Variants in STON1 observed in about 807,000 individuals in gnomAD.
The protein encoded by STON1 is stonin 1.
Under a neutral mutation model 60.9 loss-of-function variants are expected in STON1, and 79 were observed. The ratio of observed to expected loss-of-function variants is 1.30; its 90% CI spans 1.08 to 1.56. STON1 has a LOEUF of 1.56. Ranked by LOEUF, STON1 falls within the 40% of genes most tolerant of loss-of-function variation. The pLI is 0.00. For synonymous variants in STON1, 363 were observed against 306.9 expected (o/e 1.18, Z -1.91); for missense variants, 1,166 against 858.9 (o/e 1.36, Z -4.47).
At chr2:48,575,218 A>G (rs11676150) in intron 1 of STON1, among the ~76,000 whole-genome samples, 52,075 of 152,180 alleles carry the variant, frequency 0.34, 9,076 homozygotes, top group East Asian at 0.42. Context: ...ACTGAATAAT[A>G]TTCTATTGTA....
At chr2:48,544,917 T>A (rs544625829) in intron 1 of STON1, among the ~76,000 whole-genome samples, 2 of 152,264 alleles carry the variant, frequency 1.3e-5, no homozygotes, top group East Asian at 3.9e-4. Context: ...TAGAGAAAAA[T>A]TTTAATCTCA....
At chr2:48,579,805 A>G (rs372713721) in intron 1 of STON1, among the ~76,000 whole-genome samples, 3 of 152,238 alleles carry the variant, frequency 2.0e-5, no homozygotes, top group East Asian at 1.9e-4. Flanking sequence ...TGTTGAAAGT[A>G]TGGTGTTGAA....
chr2:48,550,474 G>A (rs1672052881), intron 1 of STON1, among the ~76,000 whole-genome samples: 1 of 148,798 alleles, frequency 6.7e-6, no homozygotes, highest in Admixed American at 6.7e-5. Context: ...TCCAGCCTGG[G>A]CAACAAGAGT....
At chr2:48,563,416 C>T (rs951327018) in intron 1 of STON1, among the ~76,000 whole-genome samples, 3 of 152,218 alleles carry the variant, frequency 2.0e-5, no homozygotes, top group Non-Finnish European at 2.9e-5. Context: ...CAGGGATGTC[C>T]TCCTACGCGG....
intron 1 of STON1, among the ~76,000 whole-genome samples, chr2:48,553,898 CAG>C: frequency 6.6e-6 from 1 of 152,300 alleles, no homozygotes; most frequent in South Asian, 2.1e-4. Flanking sequence ...CAGAGAGAAG[CAG>C]AGTTAGAAGA....
Position 48,581,086 on chromosome 2 carries a change from T to TC in STON1, c.455dup (p.Asp153ArgfsTer2), listed in dbSNP as rs753321669. On this transcript the variant is annotated frameshift_variant, in exon 2 of 4. Coordinates refer to ENST00000404752, the MANE Select transcript of STON1 (RefSeq NM_006873.4). LOFTEE classifies it high-confidence loss of function. ...CACATCCAACTCCCAAAGTAGGTCT[T>TC]CCAGATGAAGTTAATCCTCAACAGG... 5.4e-5 allele frequency: 86 copies of TC among 1,601,378 alleles called. No individual in the cohort carries two copies. The highest frequency in any genetic ancestry group is 7.7e-6 in the Non-Finnish European group (9 of 1,175,294).
chr2:48,531,140 G>C (rs1005655547), intron 1 of STON1: 1 of 152,188 alleles, frequency 6.6e-6, no homozygotes, highest in African/African-American at 2.4e-5. Context: ...TAGAAGTTCA[G>C]TGTAGCTTGT....
At chr2:48,568,681 C>T (rs1673052892) in intron 1 of STON1, among the ~76,000 whole-genome samples, 1 of 152,090 alleles carries the variant, frequency 6.6e-6, no homozygotes, top group Admixed American at 6.5e-5. Context: ...CAAGAAGGGG[C>T]AGGAAATAGG....
chr2:48,538,349 C>T lies in STON1; in HGVS notation c.-48+8133C>T, dbSNP rs113510578. ...ACTCATTACGAAATCATCTGAACCA[C>T]TTATAAAGGGCATATGGGTCAAGTT... On this transcript the variant is annotated intron_variant, in intron 1 of 3. Coordinates refer to ENST00000404752, the MANE Select transcript of STON1 (RefSeq NM_006873.4). Among the ~76,000 whole-genome samples, 967 of 152,234 alleles carry T rather than the reference C, an allele frequency of 6.4e-3. 11 individuals carry two copies. The highest frequency in any genetic ancestry group is 0.022 in the African/African-American group (913 of 41,548).
At chr2:48,554,041 A>G (rs1672208468) in intron 1 of STON1, among the ~76,000 whole-genome samples, 1 of 152,036 alleles carries the variant, frequency 6.6e-6, no homozygotes, top group Non-Finnish European at 1.5e-5. Flanking sequence ...AGAGAGCAGA[A>G]CCCTGGGTGG....
chr2:48,585,562 A>T (rs1411121250), intron 2 of STON1, among the ~76,000 whole-genome samples: 2 of 152,142 alleles, frequency 1.3e-5, no homozygotes, highest in African/African-American at 2.4e-5. Flanking sequence ...GCTTTCTTTT[A>T]TAACTTGGCT....
At position 48,564,497 on chromosome 2, in the gene STON1, T is replaced by TCTTTCTTCTTCTCCTTCTC. The variant is rs1672804029; in HGVS notation, c.-47-16087_-47-16086insTCTTCTTCTCCTTCTCCTT. On this transcript the variant is annotated intron_variant, in intron 1 of 3. Coordinates refer to ENST00000404752, the MANE Select transcript of STON1 (RefSeq NM_006873.4). ...TCTTCTTCTTTCTTCTTCTTCTTCT[T>TCTTTCTTCTTCTCCTTCTC]CTTCTTCTTCTTCTTCTTCTTCTTC... Among the ~76,000 whole-genome samples the TCTTTCTTCTTCTCCTTCTC allele has an allele frequency of 1.3e-4, 3 of 23,738 alleles. 1 individual carries two copies. The highest frequency in any genetic ancestry group is 2.3e-4 in the Non-Finnish European group (3 of 12,874). 15.6% of individuals were successfully genotyped at this position (23,738 alleles called of 152,430 possible). A position where few individuals can be genotyped will look rare whatever the true frequency, so the allele number is the denominator to read the frequency against.
intron 3 of STON1, among the ~76,000 whole-genome samples, chr2:48,594,482 C>G (rs966041013): frequency 6.6e-6 from 1 of 152,134 alleles, no homozygotes; most frequent in Admixed American, 6.6e-5. Context: ...TGCAGGGACA[C>G]AGCAGTGTGA....
At chr2:48,530,315 C>T (rs1671152002) in intron 1 of STON1, 99 bp downstream of exon 1, 1 of 324,620 alleles carries the variant, frequency 3.1e-6, no homozygotes, top group African/African-American at 2.3e-5. Context: ...GCGGGCGCCC[C>T]GGGACGCGGG....
At chr2:48,544,500 G>A (rs1671783203) in intron 1 of STON1, among the ~76,000 whole-genome samples, 1 of 152,100 alleles carries the variant, frequency 6.6e-6, no homozygotes, top group Non-Finnish European at 1.5e-5. Context: ...GGACAGTTTG[G>A]AGGGATGATA....
At chr2:48,533,568 T>C (rs1298604847) in intron 1 of STON1, among the ~76,000 whole-genome samples, 4 of 143,524 alleles carry the variant, frequency 2.8e-5, no homozygotes, top group Non-Finnish European at 6.0e-5. Context: ...CAGGCACCTA[T>C]AATGTCAGCT....
At chr2:48,590,007 C>T (rs1044561523) in intron 2 of STON1, among the ~76,000 whole-genome samples, 4 of 152,186 alleles carry the variant, frequency 2.6e-5, no homozygotes, top group Non-Finnish European at 5.9e-5. Flanking sequence ...GAAACTGAGG[C>T]TCAGAGAGAT....
At chr2:48,547,382 G>A (rs1055085167) in intron 1 of STON1, among the ~76,000 whole-genome samples, 27 of 152,220 alleles carry the variant, frequency 1.8e-4, no homozygotes, top group Non-Finnish European at 1.0e-4. Flanking sequence ...ACTGGGCAGA[G>A]CTGCAAAGAT....
chr2:48,592,595 C>CTATTAT (rs3047606), intron 3 of STON1, among the ~76,000 whole-genome samples: 31,758 of 136,330 alleles, frequency 0.23, 3,962 homozygotes, highest in Non-Finnish European at 0.28. Flanking sequence ...CCACACCCAG[C>CTATTAT]TATTATTATT....
Sources: gnomAD v4.1 joint callset for allele counts (sites outside exome capture counted in the v4.1 genomes callset) on GRCh38, gnomAD v4.1.1 for gene constraint, MANE v1.5 for transcripts, NCBI Gene and HGNC (gene_info 2026-07-23, HGNC 2026-07-21) for gene names.